Variants in TAF2 observed in about 807,000 individuals in gnomAD.
TAF2 encodes the protein transcription initiation factor TFIID subunit 2.
In TAF2, 61 loss-of-function variants were observed where a neutral mutation model predicts 138.5. The ratio of observed to expected loss-of-function variants is 0.44; its 90% confidence interval spans 0.36 to 0.54. The LOEUF is 0.54. Among genes scored for constraint, TAF2 ranks in the 20% least tolerant of loss-of-function variants. The pLI is 0.00. For synonymous variants in TAF2, 475 were observed against 469.9 expected (o/e 1.01, Z -0.14); for missense variants, 1,090 against 1,427.9 (o/e 0.76, Z 3.81).
At chr8:119,813,825 TATA>T (rs145288238) in intron 3 of TAF2, among the ~76,000 whole-genome samples, 5,083 of 152,212 alleles carry the variant, frequency 0.033, 159 homozygotes, top group South Asian at 0.11. Flanking sequence ...TGTGTTAAAA[TATA>T]ATGAGGACCA....
intron 6 of TAF2, among the ~76,000 whole-genome samples, chr8:119,800,023 C>A (rs937178630): frequency 6.6e-6 from 1 of 151,932 alleles, no homozygotes; most frequent in African/African-American, 2.4e-5. Flanking sequence ...AATTTGACTT[C>A]TTTGTAGATT....
intron 22 of TAF2, among the ~76,000 whole-genome samples, 196 bp downstream of exon 22, chr8:119,755,810 C>T (rs556776415): frequency 6.6e-6 from 1 of 152,180 alleles, no homozygotes; most frequent in African/African-American, 2.4e-5. Flanking sequence ...TCCTCAACCA[C>T]ACTATGGAGT....
At chr8:119,757,211 C>T (rs1820759068) in intron 21 of TAF2, among the ~76,000 whole-genome samples, 2 of 152,088 alleles carry the variant, frequency 1.3e-5, no homozygotes. Context: ...TTCTAACATC[C>T]TCTTGTGCTT....
intron 18 of TAF2, among the ~76,000 whole-genome samples, chr8:119,776,024 C>T (rs1468692547): frequency 6.6e-6 from 1 of 152,088 alleles, no homozygotes; most frequent in Non-Finnish European, 1.5e-5. Flanking sequence ...AAAGCACATG[C>T]TTCCTAAAAT....
chr8:119,791,085 G>A (rs1268288049), intron 11 of TAF2, among the ~76,000 whole-genome samples: 1 of 152,138 alleles, frequency 6.6e-6, no homozygotes, highest in Non-Finnish European at 1.5e-5. Context: ...ATAGGCATGA[G>A]ATACCATGCC....
chr8:119,790,734 T>C (rs1586444833), intron 11 of TAF2, among the ~76,000 whole-genome samples: 1 of 152,284 alleles, frequency 6.6e-6, no homozygotes, highest in South Asian at 2.1e-4. Flanking sequence ...TGGCATTTCA[T>C]CCTTAATACA....
In TAF2 at chr8:119,803,977, T is replaced by G. The variant is rs756370981; in HGVS notation, c.461A>C (p.Gln154Pro). Residue 154 changes from glutamine to proline, a missense_variant, in exon 5 of 26, where the codon CAG becomes CCG. Around this residue, in one of 3 missense-constraint regions of TAF2, gnomAD observed 504 missense variants for 680.9 expected, o/e 0.74. Transcript: ENST00000378164. ...CACAAAATGAAGACCTCCTTTGGGC[T>G]GATCCAAAGAAAAATTGATGTGTAT... ...LKIHINFSLDQPKGGLHFVVP... is the reference protein window; with the variant it reads ...LKIHINFSLDPPKGGLHFVVP... 6.2e-7 allele frequency: 1 copy of G among 1,614,114 alleles called. No individual in the cohort carries two copies. Among genetic ancestry groups the G allele is most frequent in the East Asian group, 2.2e-5 (1 of 44,844 alleles).
At chr8:119,801,509 A>T (rs1824258420) in intron 6 of TAF2, among the ~76,000 whole-genome samples, 1 of 151,446 alleles carries the variant, frequency 6.6e-6, no homozygotes, top group Non-Finnish European at 1.5e-5. Context: ...GCTCACTGCA[A>T]GCTCTGCCTC....
intron 6 of TAF2, among the ~76,000 whole-genome samples, chr8:119,800,140 T>C (rs183412515): frequency 0.033 from 5,081 of 152,286 alleles, 159 homozygotes; most frequent in South Asian, 0.11. Flanking sequence ...AGAAACTCTT[T>C]AGTTTAATTA....
At chr8:119,791,586 C>T in intron 10 of TAF2, 127 bp from the exon 11 acceptor site, 1 of 1,016,906 alleles carries the variant, frequency 9.8e-7, no homozygotes, top group Non-Finnish European at 1.4e-6. Flanking sequence ...TTCCTTAGTA[C>T]TAATAAACAT....
Position 119,788,899 on chromosome 8 carries a change from T to G in TAF2, c.1574A>C (p.Gln525Pro), listed in dbSNP as rs1340020264. 2 of 1,597,846 alleles carry G rather than the reference T, an allele frequency of 1.3e-6. No individual in the cohort carries two copies. Among genetic ancestry groups the G allele is most frequent in the African/African-American group, 2.7e-5 (2 of 74,784 alleles). ...IQPLIKQWVD[Q>P]SGVVKFYGSF... ...TCCATAAAATTTTACCACTCCACTC[T>G]GATCTCTGAAGAATTGTAAAGGAAA... The change falls in exon 13 of 26, where the codon CAG (glutamine) becomes CCG (proline). Residue 525 changes from glutamine (Q) to proline (P), a missense_variant. This residue lies in a region of TAF2 where 504 missense variants were observed against 680.9 expected (regional missense o/e 0.74). Coordinates refer to ENST00000378164, the MANE Select transcript of TAF2 (RefSeq NM_003184.4).
intron 22 of TAF2, among the ~76,000 whole-genome samples, chr8:119,753,903 G>T (rs1398489184): frequency 6.6e-6 from 1 of 152,160 alleles, no homozygotes; most frequent in African/African-American, 2.4e-5. Flanking sequence ...ACTGTTGAAT[G>T]AACCTTTATA....
chr8:119,822,223 T>C (rs1251834609), intron 2 of TAF2, among the ~76,000 whole-genome samples: 1 of 151,928 alleles, frequency 6.6e-6, no homozygotes, highest in Non-Finnish European at 1.5e-5. Flanking sequence ...CTTGCCTTTT[T>C]TTTTTCTTTT....
intron 22 of TAF2, 121 bp from the exon 23 acceptor site, chr8:119,747,055 A>G (rs1186595699): frequency 9.9e-7 from 1 of 1,005,258 alleles, no homozygotes; most frequent in South Asian, 1.4e-5. Context: ...CACACCTTTC[A>G]TCTTACAAAA....
intron 2 of TAF2, among the ~76,000 whole-genome samples, chr8:119,831,185 T>C (rs1826421976): frequency 6.6e-6 from 1 of 152,114 alleles, no homozygotes; most frequent in African/African-American, 2.4e-5. Context: ...TCCATACATC[T>C]AAATTGTGTC....
chr8:119,828,456 A>G (rs6989559), intron 2 of TAF2, among the ~76,000 whole-genome samples: 88,221 of 152,034 alleles, frequency 0.58, 25,776 homozygotes, highest in Middle Eastern at 0.75. Flanking sequence ...TGAAATCTAG[A>G]GGATTCCCTC....
intron 18 of TAF2, among the ~76,000 whole-genome samples, chr8:119,774,845 G>A (rs1822107150): frequency 6.6e-6 from 1 of 151,834 alleles, no homozygotes; most frequent in East Asian, 1.9e-4. Flanking sequence ...AGCATCATAT[G>A]AATAAATAGC....
Position 119,796,897 on chromosome 8 carries a change from G to A in TAF2, c.1091+93C>T, listed in dbSNP as rs1823865521. On this transcript the variant is annotated intron_variant, in intron 8 of 25. Coordinates refer to ENST00000378164, the MANE Select transcript of TAF2 (RefSeq NM_003184.4). Reference sequence around the variant, plus strand: ...ACAGTGTCTCTTAAATTAGCTATCTGCAATTAGGGCAAAGGTCAGCTTAAA... The same window carrying A: ...ACAGTGTCTCTTAAATTAGCTATCTACAATTAGGGCAAAGGTCAGCTTAAA... 12 of 858,448 alleles carry A rather than the reference G, an allele frequency of 1.4e-5. 1 individual carries two copies. The South Asian group carries it at 1.7e-4, about 12-fold the overall frequency. 53.2% of individuals were successfully genotyped at this position (858,448 alleles called of 1,614,324 possible). A position where few individuals can be genotyped will look rare whatever the true frequency, so the allele number is the denominator to read the frequency against.
chr8:119,792,185 G>A (rs1202038699), intron 10 of TAF2, among the ~76,000 whole-genome samples: 7 of 138,060 alleles, frequency 5.1e-5, no homozygotes, highest in African/African-American at 1.4e-4. Context: ...ATAGAGTCTC[G>A]CTCTTATCCC....
Sources: allele counts gnomAD v4.1 joint callset (sites outside exome capture counted in the v4.1 genomes callset), GRCh38; gene constraint gnomAD v4.1.1; regional missense constraint gnomAD v4.1.1; transcripts MANE v1.5; gene names NCBI Gene and HGNC (gene_info 2026-07-23, HGNC 2026-07-21).